PDE1C: variants seen among roughly 807,000 people sequenced by gnomAD.
PDE1C encodes the protein dual specificity calcium/calmodulin-dependent 3',5'-cyclic nucleotide phosphodiesterase 1C.
A neutral mutation model predicts 93.1 loss-of-function variants in PDE1C; 62 were observed. The observed-to-expected ratio is 0.67, with a 90% CI of 0.54 to 0.82. The LOEUF is 0.82. PDE1C is among the 40% of genes least tolerant of loss of function. PDE1C has a pLI of 0.00. For missense variants in PDE1C, 742 were observed against 884.6 expected (o/e 0.84, Z 2.04); for synonymous variants, 325 against 310.1 (o/e 1.05, Z -0.50).
chr7:32,065,047 G>A, intron 1 of PDE1C, among the ~76,000 whole-genome samples: 1 of 52,568 alleles, frequency 1.9e-5, no homozygotes, highest in Non-Finnish European at 4.2e-5. Context: ...TGACGGAACG[G>A]CGGTGGGGGG....
chr7:31,818,834 G>A (rs745818566), intron 14 of PDE1C, among the ~76,000 whole-genome samples: 1 of 152,040 alleles, frequency 6.6e-6, no homozygotes, highest in Non-Finnish European at 1.5e-5. Flanking sequence ...ATAACCCCAA[G>A]TTGGAAATAA....
At chr7:32,152,382 G>A (rs993960144) in intron 3 of PDE1C, among the ~76,000 whole-genome samples, 1 of 152,234 alleles carries the variant, frequency 6.6e-6, no homozygotes, top group African/African-American at 2.4e-5. Context: ...TGAGCAGTGT[G>A]TCAGCGAAAG....
intron 2 of PDE1C, among the ~76,000 whole-genome samples, chr7:32,026,933 T>C (rs1584504430): frequency 1.3e-5 from 2 of 152,138 alleles, no homozygotes; most frequent in Non-Finnish European, 2.9e-5. Flanking sequence ...ATATGCTGTA[T>C]GATTCCAACT....
At chr7:32,194,775 T>C (rs1176589091) in intron 2 of PDE1C, among the ~76,000 whole-genome samples, 2 of 152,242 alleles carry the variant, frequency 1.3e-5, no homozygotes, top group Admixed American at 1.3e-4. Context: ...TTTAATGTAA[T>C]TATTGATATG....
intron 7 of PDE1C, 73 bp from the exon 8 acceptor site, chr7:31,850,814 C>T (rs1793237404): frequency 1.9e-6 from 2 of 1,033,270 alleles, no homozygotes; most frequent in East Asian, 4.8e-5. Flanking sequence ...ACAACACACC[C>T]ACAGTGCTGC....
At chr7:32,314,494 T>G (rs1783127676) in intron 1 of PDE1C, among the ~76,000 whole-genome samples, 1 of 152,122 alleles carries the variant, frequency 6.6e-6, no homozygotes, top group Non-Finnish European at 1.5e-5. Flanking sequence ...GATGGATAAC[T>G]GGTTACAGGT....
At chr7:31,884,632 T>C (rs1797659677) in intron 2 of PDE1C, among the ~76,000 whole-genome samples, 1 of 152,170 alleles carries the variant, frequency 6.6e-6, no homozygotes, top group African/African-American at 2.4e-5. Flanking sequence ...AGCTTTAGCA[T>C]AGTGTTCAGG....
chr7:32,002,697 A>C (rs1785636928), intron 2 of PDE1C, among the ~76,000 whole-genome samples: 1 of 152,180 alleles, frequency 6.6e-6, no homozygotes, highest in South Asian at 2.1e-4. Flanking sequence ...GCCACCTCTT[A>C]TGAAATTTTG....
intron 1 of PDE1C, among the ~76,000 whole-genome samples, chr7:32,275,719 T>A (rs1811239535): frequency 6.6e-6 from 1 of 151,908 alleles, no homozygotes; most frequent in Non-Finnish European, 1.5e-5. Flanking sequence ...GGAAATGGGT[T>A]GTGGTTGCAC....
At chr7:31,856,626 C>T (rs866049276) in intron 7 of PDE1C, among the ~76,000 whole-genome samples, 1 of 150,350 alleles carries the variant, frequency 6.7e-6, no homozygotes, top group Non-Finnish European at 1.5e-5. Flanking sequence ...TCATCCTCAT[C>T]ACAATACGTG....
intron 2 of PDE1C, among the ~76,000 whole-genome samples, chr7:31,897,370 G>A (rs1799444071): frequency 6.6e-6 from 1 of 152,248 alleles, no homozygotes; most frequent in East Asian, 1.9e-4. Flanking sequence ...AAACATGTAA[G>A]ATTATACATT....
At position 31,752,136 on chromosome 7, in the gene PDE1C, G is replaced by C. The variant is rs779778386; in HGVS notation, c.*1248C>G. The C allele has an allele frequency of 6.6e-6, 1 of 152,190 alleles. No individual in the cohort carries two copies. The highest frequency in any genetic ancestry group is 2.4e-5 in the African/African-American group (1 of 41,434). The allele number at this position is 152,190 out of a possible 1,614,324, so 9.4% of individuals were successfully genotyped here. A position where few individuals can be genotyped will look rare whatever the true frequency, so the allele number is the denominator to read the frequency against. On this transcript the variant is annotated 3_prime_UTR_variant, in exon 18 of 18. Coordinates refer to ENST00000396191, the MANE Select transcript of PDE1C (RefSeq NM_001191057.4). ...AATTATGCCATCCGAGCAAGGACCTGCAACTAGTTATAGACAGAATAGGAT... is the reference window on the plus strand; with the variant it reads ...AATTATGCCATCCGAGCAAGGACCTCCAACTAGTTATAGACAGAATAGGAT...
chr7:32,152,774 A>G (rs1801334864), intron 3 of PDE1C, among the ~76,000 whole-genome samples: 1 of 152,228 alleles, frequency 6.6e-6, no homozygotes, highest in Non-Finnish European at 1.5e-5. Context: ...CATCACATTC[A>G]GGCACATACA....
chr7:32,385,760 A>G (rs1585136325), intron 1 of PDE1C, among the ~76,000 whole-genome samples: 1 of 152,276 alleles, frequency 6.6e-6, no homozygotes, highest in East Asian at 1.9e-4. Flanking sequence ...ATTTGGCAAG[A>G]CTTAAACCCC....
chr7:31,873,436 A>C, intron 5 of PDE1C, 28 bp from the exon 6 acceptor site: 1 of 1,379,614 alleles, frequency 7.2e-7, no homozygotes, highest in Non-Finnish European at 1.0e-6. Flanking sequence ...GAGAAAGAAC[A>C]CATTAGCCCA....
chr7:31,690,249 G>A, the PDE1C span, among the ~76,000 whole-genome samples: 1 of 152,198 alleles, frequency 6.6e-6, no homozygotes, highest in African/African-American at 2.4e-5. Flanking sequence ...GTGGTAGATA[G>A]ACAACATTAC....
chr7:31,652,369 G>C, the PDE1C span: 2 of 1,264,710 alleles, frequency 1.6e-6, no homozygotes, highest in Non-Finnish European at 2.1e-6. Context: ...GCCAATATAA[G>C]CTAAGTCACT....
intron 5 of PDE1C, among the ~76,000 whole-genome samples, chr7:31,874,247 T>C (rs1431793045): frequency 1.3e-5 from 2 of 152,218 alleles, no homozygotes; most frequent in African/African-American, 2.4e-5. Flanking sequence ...CTCCAAAATA[T>C]ATGTAAATAC....
intron 1 of PDE1C, among the ~76,000 whole-genome samples, chr7:32,318,795 AG>A (rs1426680542): frequency 6.6e-6 from 1 of 152,182 alleles, no homozygotes; most frequent in Non-Finnish European, 1.5e-5. Flanking sequence ...GCCACGGCAG[AG>A]GCCTTCTGTG....
Sources: gnomAD v4.1 joint callset for allele counts (sites outside exome capture counted in the v4.1 genomes callset) on GRCh38, gnomAD v4.1.1 for gene constraint, MANE v1.5 for transcripts, NCBI Gene and HGNC (gene_info 2026-07-23, HGNC 2026-07-21) for gene names.